The following PPFIA2 variants were observed in gnomAD, a reference collection of about 807,000 sequenced individuals.
PPFIA2 encodes PPFI scaffold protein A2.
Under a neutral mutation model 175.5 loss-of-function variants are expected in PPFIA2, and 46 were observed. The ratio of observed to expected loss-of-function variants is 0.26; its 90% confidence interval spans 0.21 to 0.34. The LOEUF (loss-of-function observed/expected upper bound fraction) is 0.34, where lower values mean the gene tolerates loss of function less well. Ranked by LOEUF, PPFIA2 falls within the 10% of genes least tolerant of loss-of-function variation. The pLI, the probability that PPFIA2 is intolerant of heterozygous loss-of-function variation, is 1.00. For missense variants in PPFIA2, 1,179 were observed against 1,506.1 expected, an observed-to-expected ratio of 0.78 and a Z score of 3.60; for synonymous variants, 568 against 511.4, an observed-to-expected ratio of 1.11 and a Z score of -1.49.
intron 28 of PPFIA2, among the ~76,000 whole-genome samples, chr12:81,276,054 G>A (rs546526267): frequency 2.0e-5 from 3 of 152,242 alleles, no homozygotes; most frequent in Non-Finnish European, 2.9e-5. Context: ...AAAGTGCTGC[G>A]ATTACAGGCG....
intron 4 of PPFIA2, among the ~76,000 whole-genome samples, chr12:81,516,976 A>C (rs1314150819): frequency 6.6e-6 from 1 of 152,204 alleles, no homozygotes; most frequent in Non-Finnish European, 1.5e-5. Context: ...TGATAATCTT[A>C]GACATGAAAC....
intron 22 of PPFIA2, among the ~76,000 whole-genome samples, chr12:81,322,094 C>A (rs1034344777): frequency 6.6e-6 from 1 of 152,182 alleles, no homozygotes; most frequent in African/African-American, 2.4e-5. Flanking sequence ...ACCTCAGCCT[C>A]CCCAAGTGCT....
intron 4 of PPFIA2, among the ~76,000 whole-genome samples, chr12:81,506,288 G>T (rs947355363): frequency 6.6e-6 from 1 of 152,004 alleles, no homozygotes; most frequent in Non-Finnish European, 1.5e-5. Context: ...TGAAAATTTT[G>T]CAAGTTTTCT....
intron 17 of PPFIA2, among the ~76,000 whole-genome samples, chr12:81,350,092 G>A (rs1243641528): frequency 6.6e-6 from 1 of 152,124 alleles, no homozygotes; most frequent in African/African-American, 2.4e-5. Flanking sequence ...CTACCCTAAT[G>A]TTACAAAGCT....
intron 4 of PPFIA2, among the ~76,000 whole-genome samples, chr12:81,528,277 G>A (rs569330427): frequency 6.6e-6 from 1 of 152,148 alleles, no homozygotes; most frequent in South Asian, 2.1e-4. Context: ...CAAGAACTCA[G>A]ATAGTGATAT....
At chr12:81,441,396 G>C (rs557001293) in intron 6 of PPFIA2, among the ~76,000 whole-genome samples, 2 of 152,028 alleles carry the variant, frequency 1.3e-5, no homozygotes, top group South Asian at 2.1e-4. Context: ...ATTATATTTT[G>C]TTATGCTTAA....
intron 7 of PPFIA2, among the ~76,000 whole-genome samples, chr12:81,414,704 C>T (rs982337914): frequency 6.6e-6 from 1 of 151,572 alleles, no homozygotes; most frequent in Non-Finnish European, 1.5e-5. Flanking sequence ...TACACAGATA[C>T]TTATTCTACT....
chr12:81,367,508 C>T (rs2033843575), intron 13 of PPFIA2, among the ~76,000 whole-genome samples: 1 of 151,618 alleles, frequency 6.6e-6, no homozygotes, highest in Non-Finnish European at 1.5e-5. Context: ...AAGTGAGCAA[C>T]AAGCTAAATC....
intron 28 of PPFIA2, among the ~76,000 whole-genome samples, chr12:81,270,137 C>T (rs1023862870): frequency 6.6e-6 from 1 of 152,172 alleles, no homozygotes; most frequent in Non-Finnish European, 1.5e-5. Flanking sequence ...TGTATATTTA[C>T]ATGTTGCAGT....
chr12:81,423,451 CAAAT>C (rs1394731772), intron 7 of PPFIA2, among the ~76,000 whole-genome samples: 1 of 152,050 alleles, frequency 6.6e-6, no homozygotes, highest in African/African-American at 2.4e-5. Context: ...TTAACATACA[CAAAT>C]CAATCAATAT....
intron 3 of PPFIA2, among the ~76,000 whole-genome samples, chr12:81,681,441 G>A (rs1057200023): frequency 6.6e-6 from 1 of 151,964 alleles, no homozygotes; most frequent in African/African-American, 2.4e-5. Context: ...GCTTGGGAAG[G>A]TTGAGCTCCA....
chr12:81,344,710 TAAA>T lies in PPFIA2; in HGVS notation c.2233-20_2233-18del. ...ATCACTTGGCTGTGATTGGCAGTAA[TAAA>T]AACATAAAACACAATTAATTAAGAA... On this transcript the variant is annotated intron_variant, in intron 18 of 32. Transcript: ENST00000549396. 6.5e-7 allele frequency: 1 copy of T among 1,532,634 alleles called. No individual in the cohort carries two copies. Among genetic ancestry groups the T allele is most frequent in the South Asian group, 1.2e-5 (1 of 81,678 alleles). The allele number at this position is 1,532,634 out of a possible 1,614,324, so 94.9% of individuals were successfully genotyped here.
At chr12:81,708,215 A>G (rs1255548970) in intron 3 of PPFIA2, among the ~76,000 whole-genome samples, 1 of 152,122 alleles carries the variant, frequency 6.6e-6, no homozygotes, top group South Asian at 2.1e-4. Flanking sequence ...AAATAGAAAA[A>G]AAAAGAAATG....
chr12:81,384,269 C>A (rs573316052), intron 8 of PPFIA2, 25 bp from the exon 9 acceptor site: 11 of 1,356,372 alleles, frequency 8.1e-6, no homozygotes, highest in Admixed American at 2.9e-5. Flanking sequence ...AAAGAAATGG[C>A]ACTTAAGAAT....
chr12:81,743,733 C>T (rs2082663706), intron 3 of PPFIA2, among the ~76,000 whole-genome samples: 1 of 151,944 alleles, frequency 6.6e-6, no homozygotes, highest in Non-Finnish European at 1.5e-5. Flanking sequence ...AATAAGATCA[C>T]TAAAAATAAC....
At chr12:81,679,276 GA>G (rs1254117565) in intron 3 of PPFIA2, among the ~76,000 whole-genome samples, 3 of 151,636 alleles carry the variant, frequency 2.0e-5, no homozygotes, top group Non-Finnish European at 2.9e-5. Context: ...TACTTAAAAT[GA>G]AAAAAAGATA....
chr12:81,327,755 C>T (rs2055127962), intron 21 of PPFIA2, among the ~76,000 whole-genome samples: 1 of 151,904 alleles, frequency 6.6e-6, no homozygotes, highest in Non-Finnish European at 1.5e-5. Flanking sequence ...AAAAAAATCA[C>T]ATTTTTAAAT....
chr12:81,265,572 G>A (rs1216319518), intron 30 of PPFIA2, among the ~76,000 whole-genome samples: 3 of 152,058 alleles, frequency 2.0e-5, no homozygotes, highest in Admixed American at 2.0e-4. Flanking sequence ...TAAGTAAGTT[G>A]GCTATTTTTG....
chr12:81,624,439 A>G (rs968046681), intron 4 of PPFIA2, among the ~76,000 whole-genome samples: 7 of 146,982 alleles, frequency 4.8e-5, no homozygotes, highest in Non-Finnish European at 9.0e-5. Flanking sequence ...ATATACATAT[A>G]TTATATGTAT....
Sources: gnomAD v4.1 joint callset for allele counts (sites outside exome capture counted in the v4.1 genomes callset) on GRCh38, gnomAD v4.1.1 for gene constraint, MANE v1.5 for transcripts, NCBI Gene and HGNC (gene_info 2026-07-23, HGNC 2026-07-21) for gene names.